Variants in NKD1 observed in about 807,000 individuals in gnomAD.
The protein encoded by NKD1 is NKD inhibitor of Wnt signaling pathway 1, also known as protein naked cuticle homolog 1.
Under a neutral mutation model 56.0 loss-of-function variants are expected in NKD1, and 21 were observed. That is an observed-to-expected ratio of 0.38 (90% CI 0.27 to 0.54). The LOEUF is 0.54. Ranked by LOEUF, NKD1 falls within the 20% of genes least tolerant of loss-of-function variation. The probability of loss-of-function intolerance (pLI) is 0.82; values close to 1 mark genes in which losing one functional copy is unlikely to be tolerated. For synonymous variants in NKD1, 263 were observed against 265.7 expected, an observed-to-expected ratio of 0.99 and a Z score of 0.10; for missense variants, 578 against 642.7, an observed-to-expected ratio of 0.90 and a Z score of 1.09.
intron 3 of NKD1, among the ~76,000 whole-genome samples, chr16:50,603,742 T>A (rs1961648431): frequency 6.6e-6 from 1 of 152,194 alleles, no homozygotes; most frequent in Non-Finnish European, 1.5e-5. Context: ...GATGTGGTTT[T>A]CCCATCCCCG....
In NKD1 at chr16:50,630,843, C is replaced by T; in HGVS notation, c.628C>T (p.Pro210Ser). The T allele has an allele frequency of 6.2e-7, 1 of 1,604,938 alleles. No homozygotes were observed. The highest frequency in any genetic ancestry group is 8.5e-7 in the Non-Finnish European group (1 of 1,176,324). Residue 210 changes from proline to serine, a missense_variant, in exon 8 of 10, where the codon CCC becomes TCC. Transcript: ENST00000268459. ...VNQADLQSAR[P>S]RAETKPTEDL... ...GGACTCAGACCTGCAGAGCGCAAGG[C>T]CCCGAGCAGAGACCAAGCCCACTGA...
Position 50,632,059 on chromosome 16 carries a change from G to T in NKD1, c.696-222G>T, listed in dbSNP as rs1386277712. On this transcript the variant is annotated intron_variant, in intron 8 of 9. Coordinates refer to ENST00000268459, the MANE Select transcript of NKD1 (RefSeq NM_033119.5). The surrounding 1 kb of genome is among the most constrained non-coding windows in gnomAD (Gnocchi z 4.1). ...CCACTCCTCCCAGAAGCTGCGGGGA[G>T]GTCGGGCTGTGGGCTGTGGTCTATG... Among the ~76,000 whole-genome samples the T allele has an allele frequency of 1.3e-5, 2 of 152,258 alleles. No individual in the cohort carries two copies. The highest frequency in any genetic ancestry group is 4.8e-5 in the African/African-American group (2 of 41,470).
intron 4 of NKD1, 45 bp from the exon 5 acceptor site, chr16:50,621,557 G>A (rs564092712): frequency 5.7e-5 from 82 of 1,439,470 alleles, no homozygotes; most frequent in Middle Eastern, 3.6e-4. Flanking sequence ...GCTGCCCGGC[G>A]TCTGGACCCT....
chr16:50,648,277 C>T lies in NKD1; in HGVS notation c.*14496C>T, dbSNP rs1962717247. ...CTCTTCCTAGAGTCCCTTTCATTCCCTCATTTCCACTTCCTGCCGCTGTAC... is the reference window on the plus strand; with the variant it reads ...CTCTTCCTAGAGTCCCTTTCATTCCTTCATTTCCACTTCCTGCCGCTGTAC... On this transcript the variant is annotated 3_prime_UTR_variant, in exon 10 of 10. Transcript: ENST00000268459. 1 of 152,892 alleles carries T rather than the reference C, an allele frequency of 6.5e-6. No individual in the cohort carries two copies. The highest frequency in any genetic ancestry group is 2.4e-5 in the African/African-American group (1 of 41,422). 9.5% of individuals were successfully genotyped at this position (152,892 alleles called of 1,614,324 possible). A position where few individuals can be genotyped will look rare whatever the true frequency, so the allele number is the denominator to read the frequency against.
At chr16:50,583,467 A>G (rs969714077) in intron 3 of NKD1, among the ~76,000 whole-genome samples, 8 of 152,124 alleles carry the variant, frequency 5.3e-5, no homozygotes, top group Non-Finnish European at 1.2e-4. Context: ...ATTCCAGACC[A>G]GACAAACTCC....
intron 3 of NKD1, among the ~76,000 whole-genome samples, chr16:50,566,924 A>G (rs1478280277): frequency 6.6e-6 from 1 of 152,206 alleles, no homozygotes; most frequent in Non-Finnish European, 1.5e-5. Context: ...CTCTCTCCTT[A>G]GATAAATGCT....
At chr16:50,584,229 C>T (rs1389581497) in intron 3 of NKD1, among the ~76,000 whole-genome samples, 1 of 152,174 alleles carries the variant, frequency 6.6e-6, no homozygotes. Context: ...TCCAGCAGGC[C>T]AGGCGTTTCT....
At chr16:50,576,519 A>G (rs1374468806) in intron 3 of NKD1, among the ~76,000 whole-genome samples, 1 of 152,052 alleles carries the variant, frequency 6.6e-6, no homozygotes, top group Non-Finnish European at 1.5e-5. Flanking sequence ...TGGTGGAGAG[A>G]GCTGGGTTAG....
chr16:50,548,849 C>T lies in NKD1; in HGVS notation c.58+100C>T, dbSNP rs541450472. The T allele has an allele frequency of 1.0e-5, 13 of 1,251,300 alleles. No homozygotes were observed. The South Asian group carries it at 2.3e-4, about 22-fold the overall frequency. The allele number at this position is 1,251,300 out of a possible 1,614,324, so 77.5% of individuals were successfully genotyped here. ...GCCAGGTCTTATGACCAGGGCCACCCCGAAGCCCCAGTTCCGGCCACCGGC... is the reference window on the plus strand; with the variant it reads ...GCCAGGTCTTATGACCAGGGCCACCTCGAAGCCCCAGTTCCGGCCACCGGC... On this transcript the variant is annotated intron_variant, in intron 2 of 9. Coordinates refer to ENST00000268459, the MANE Select transcript of NKD1 (RefSeq NM_033119.5).
intron 3 of NKD1, among the ~76,000 whole-genome samples, chr16:50,567,563 C>G (rs1007694484): frequency 1.3e-5 from 2 of 152,186 alleles, no homozygotes; most frequent in African/African-American, 4.8e-5. Context: ...ACTCTGATCT[C>G]GGGACACCCC....
intron 3 of NKD1, among the ~76,000 whole-genome samples, chr16:50,567,236 G>A (rs182786170): frequency 1.1e-4 from 16 of 152,304 alleles, no homozygotes; most frequent in Admixed American, 3.3e-4. Context: ...TATGGCCACT[G>A]AAGTGTTAGC....
Position 50,599,148 on chromosome 16 carries a change from G to A in NKD1, c.193-9146G>A, listed in dbSNP as rs1459816755. On this transcript the variant is annotated intron_variant, in intron 3 of 9. Coordinates refer to ENST00000268459, the MANE Select transcript of NKD1 (RefSeq NM_033119.5). Reference sequence around the variant, plus strand: ...GCAGTGCTGGGCTGGGCTTTGATCCGCTGTGGCATCCCTGACAAAAACCAG... The same window carrying A: ...GCAGTGCTGGGCTGGGCTTTGATCCACTGTGGCATCCCTGACAAAAACCAG... Among the ~76,000 whole-genome samples the A allele has an allele frequency of 2.0e-5, 3 of 152,198 alleles. No homozygotes were observed. In the South Asian group the frequency reaches 6.2e-4, roughly 32 times the overall value.
In NKD1 at chr16:50,548,413, G is replaced by C. The variant is rs1388714126; in HGVS notation, c.-141G>C. 9.1e-6 allele frequency: 2 copies of C among 220,694 alleles called. No homozygotes were observed. The highest frequency in any genetic ancestry group is 7.7e-6 in the Non-Finnish European group (1 of 130,378). 13.7% of individuals were successfully genotyped at this position (220,694 alleles called of 1,614,324 possible). On this transcript the variant is annotated 5_prime_UTR_variant, in exon 1 of 10. Coordinates refer to ENST00000268459, the MANE Select transcript of NKD1 (RefSeq NM_033119.5). ...CGGGCGTCAGTCGGGCCGCGGCGAC[G>C]GCGGCAGGAGCGCGTCCCGGCGCCG...
Position 50,648,787 on chromosome 16 carries a change from C to T in NKD1, c.*15006C>T, listed in dbSNP as rs915894542. The stretch of plus-strand genomic sequence containing the variant: ...CTTTAAAAAGAGAGCTTGTTTATAC[C>T]TATTGTCATCTCTGTTCTTCTGTGC... On this transcript the variant is annotated 3_prime_UTR_variant, in exon 10 of 10. Coordinates refer to ENST00000268459, the MANE Select transcript of NKD1 (RefSeq NM_033119.5). 2 of 152,152 alleles carry T rather than the reference C, an allele frequency of 1.3e-5. No homozygotes were observed. The highest frequency in any genetic ancestry group is 4.8e-5 in the African/African-American group (2 of 41,410). 9.4% of individuals were successfully genotyped at this position (152,152 alleles called of 1,614,324 possible).
At chr16:50,612,738 T>A (rs923062696) in intron 4 of NKD1, among the ~76,000 whole-genome samples, 2 of 152,034 alleles carry the variant, frequency 1.3e-5, no homozygotes, top group Non-Finnish European at 2.9e-5. Context: ...ACTTGGTGTT[T>A]GGGGAAGAAC....
In NKD1 at chr16:50,645,658, C is replaced by T. The variant is rs1962663520; in HGVS notation, c.*11877C>T. ...TGGAAACAGTAGCCCGGAGAGGAGG[C>T]TCTCTTGGTAGGATCCCACGGCAAC... is the stretch of plus-strand genomic sequence containing the variant. On this transcript the variant is annotated 3_prime_UTR_variant, in exon 10 of 10. Coordinates refer to ENST00000268459, the MANE Select transcript of NKD1 (RefSeq NM_033119.5). The T allele has an allele frequency of 1.3e-5, 2 of 152,146 alleles. No homozygotes were observed. The highest frequency in any genetic ancestry group is 4.8e-5 in the African/African-American group (2 of 41,430). 9.4% of individuals were successfully genotyped at this position (152,146 alleles called of 1,614,324 possible).
intron 3 of NKD1, among the ~76,000 whole-genome samples, chr16:50,571,817 C>T (rs546632747): frequency 6.6e-6 from 1 of 152,270 alleles, no homozygotes; most frequent in South Asian, 2.1e-4. Flanking sequence ...GAGATCCACT[C>T]CCTCTCCTAC....
At chr16:50,616,149 G>A (rs1961955458) in intron 4 of NKD1, 2 of 447,830 alleles carry the variant, frequency 4.5e-6, no homozygotes, top group South Asian at 1.6e-5. Context: ...AGAAAGGACT[G>A]TGGATATGTC....
intron 3 of NKD1, among the ~76,000 whole-genome samples, chr16:50,570,106 T>C (rs1426192344): frequency 6.6e-6 from 1 of 152,254 alleles, no homozygotes; most frequent in Non-Finnish European, 1.5e-5. Flanking sequence ...AAAAATCACA[T>C]GTAACGATAG....
Sources: gnomAD v4.1 joint callset for allele counts (sites outside exome capture counted in the v4.1 genomes callset) on GRCh38, gnomAD v4.1.1 for gene constraint, Gnocchi (gnomAD v3.1) non-coding constraint, MANE v1.5 for transcripts, NCBI Gene and HGNC (gene_info 2026-07-23, HGNC 2026-07-21) for gene names.